DNAJC24: variants seen among roughly 807,000 people sequenced by gnomAD.
The protein encoded by DNAJC24 is dnaJ homolog subfamily C member 24.
Under a neutral mutation model 18.0 loss-of-function variants are expected in DNAJC24, and 17 were observed. The observed-to-expected ratio is 0.94, with a 90% CI of 0.65 to 1.42. The LOEUF is 1.42. DNAJC24 is among the 40% of genes most tolerant of loss of function. The pLI, the probability that DNAJC24 is intolerant of heterozygous loss-of-function variation, is 0.00. For synonymous variants in DNAJC24, 55 were observed against 57.7 expected (o/e 0.95, Z 0.21); for missense variants, 158 against 175.6 (o/e 0.90, Z 0.57).
At chr11:31,430,034 G>T (rs948304049) in intron 4 of DNAJC24, among the ~76,000 whole-genome samples, 3 of 152,080 alleles carry the variant, frequency 2.0e-5, no homozygotes, top group Non-Finnish European at 2.9e-5. Flanking sequence ...AAAATCCTTG[G>T]ACTTTTAATT....
intron 2 of DNAJC24, among the ~76,000 whole-genome samples, chr11:31,401,637 G>A (rs1349422632): frequency 6.6e-6 from 1 of 152,030 alleles, no homozygotes; most frequent in African/African-American, 2.4e-5. Context: ...GGCAGTCAGT[G>A]GTAGAGTGAT....
At chr11:31,388,388 A>C (rs780514319) in intron 2 of DNAJC24, among the ~76,000 whole-genome samples, 2 of 152,228 alleles carry the variant, frequency 1.3e-5, no homozygotes, top group Non-Finnish European at 2.9e-5. Context: ...ATCAAATAGC[A>C]TGCAAAGGAG....
chr11:31,412,369 G>T (rs929850950), intron 2 of DNAJC24, among the ~76,000 whole-genome samples: 2 of 152,096 alleles, frequency 1.3e-5, no homozygotes, highest in African/African-American at 2.4e-5. Context: ...TAATGCTTGT[G>T]ACATACTGAA....
At chr11:31,404,600 T>C (rs988832577) in intron 2 of DNAJC24, among the ~76,000 whole-genome samples, 6 of 152,224 alleles carry the variant, frequency 3.9e-5, no homozygotes, top group Non-Finnish European at 5.9e-5. Flanking sequence ...AATTGACCTT[T>C]ACAATTTTAT....
At chr11:31,383,684 T>G (rs1316004154) in intron 2 of DNAJC24, among the ~76,000 whole-genome samples, 1 of 152,160 alleles carries the variant, frequency 6.6e-6, no homozygotes, top group Non-Finnish European at 1.5e-5. Context: ...AAGTTTTGCT[T>G]GTAGTTTATG....
chr11:31,397,625 C>A (rs1388838575), intron 2 of DNAJC24, among the ~76,000 whole-genome samples: 3 of 151,882 alleles, frequency 2.0e-5, no homozygotes. Flanking sequence ...AAAACAACAA[C>A]AAAACACAGC....
chr11:31,380,401 A>C (rs751800301), intron 2 of DNAJC24, among the ~76,000 whole-genome samples: 11 of 152,204 alleles, frequency 7.2e-5, no homozygotes, highest in Non-Finnish European at 1.3e-4. Context: ...GAAAAGTGAA[A>C]GTTTTGTTTT....
chr11:31,405,664 A>G (rs1288269182), intron 2 of DNAJC24, among the ~76,000 whole-genome samples: 1 of 151,998 alleles, frequency 6.6e-6, no homozygotes, highest in African/African-American at 2.4e-5. Flanking sequence ...TGTGTTGCCC[A>G]GGCTGGTCTC....
At chr11:31,388,745 C>T (rs931021040) in intron 2 of DNAJC24, among the ~76,000 whole-genome samples, 1 of 152,092 alleles carries the variant, frequency 6.6e-6, no homozygotes, top group Non-Finnish European at 1.5e-5. Context: ...AGGTAAACTA[C>T]TTGTATCCTG....
intron 2 of DNAJC24, among the ~76,000 whole-genome samples, chr11:31,386,986 G>T (rs1262119576): frequency 6.6e-6 from 1 of 152,206 alleles, no homozygotes; most frequent in East Asian, 1.9e-4. Context: ...TGGGATGGTG[G>T]TGACCATAGG....
At chr11:31,393,479 G>A (rs1952517575) in intron 2 of DNAJC24, among the ~76,000 whole-genome samples, 1 of 152,128 alleles carries the variant, frequency 6.6e-6, no homozygotes, top group African/African-American at 2.4e-5. Flanking sequence ...GAGTTTTATG[G>A]GGTGATTAGC....
At chr11:31,379,644 A>T (rs183590384) in intron 2 of DNAJC24, among the ~76,000 whole-genome samples, 116 of 152,344 alleles carry the variant, frequency 7.6e-4, no homozygotes, top group African/African-American at 2.6e-3. Flanking sequence ...TTTAAGATGA[A>T]AAATATCCCC....
intron 2 of DNAJC24, among the ~76,000 whole-genome samples, chr11:31,404,240 C>G (rs1411554441): frequency 5.1e-4 from 78 of 152,162 alleles, no homozygotes; most frequent in Admixed American, 5.1e-3. Flanking sequence ...ATGCCTTAAC[C>G]ATCTGGGAAT....
intron 3 of DNAJC24, among the ~76,000 whole-genome samples, chr11:31,419,890 A>G (rs1280791159): frequency 2.6e-5 from 4 of 152,106 alleles, no homozygotes; most frequent in African/African-American, 4.8e-5. Flanking sequence ...TTATTCTCAC[A>G]ACTACCACAG....
intron 2 of DNAJC24, among the ~76,000 whole-genome samples, chr11:31,390,706 A>T (rs1247126982): frequency 8.3e-5 from 4 of 48,310 alleles, no homozygotes; most frequent in East Asian, 3.0e-4. Context: ...ATTCCATCTT[A>T]AAAAAAAAAA....
chr11:31,401,535 G>A (rs547925126), intron 2 of DNAJC24, among the ~76,000 whole-genome samples: 11 of 144,180 alleles, frequency 7.6e-5, no homozygotes, highest in Non-Finnish European at 1.1e-4. Flanking sequence ...CTTCCCCTCC[G>A]CCCCCCCACT....
chr11:31,381,575 AT>A (rs544064492), intron 2 of DNAJC24, among the ~76,000 whole-genome samples: 3,116 of 142,086 alleles, frequency 0.022, 67 homozygotes, highest in African/African-American at 0.065. Flanking sequence ...TCAAAAAAAA[AT>A]TTTTTTTTTT....
At chr11:31,375,389 A>C (rs1952303686) in intron 2 of DNAJC24, among the ~76,000 whole-genome samples, 1 of 134,884 alleles carries the variant, frequency 7.4e-6, no homozygotes, top group Non-Finnish European at 1.7e-5. Context: ...ATATTTCTCT[A>C]AGACAGGGGA....
At chr11:31,427,712 G>A (rs1175316956) in intron 4 of DNAJC24, 1 of 152,020 alleles carries the variant, frequency 6.6e-6, no homozygotes, top group Non-Finnish European at 1.5e-5. Context: ...ATTAGTTCTT[G>A]CTATAGTCGA....
Sources: gnomAD v4.1 joint callset for allele counts (sites outside exome capture counted in the v4.1 genomes callset) on GRCh38, gnomAD v4.1.1 for gene constraint, MANE v1.5 for transcripts, NCBI Gene and HGNC (gene_info 2026-07-23, HGNC 2026-07-21) for gene names.